SIPA1L1: variants seen among roughly 807,000 people sequenced by gnomAD.
SIPA1L1 encodes the protein signal induced proliferation associated 1 like 1.
In SIPA1L1, 26 loss-of-function variants were observed where a neutral mutation model predicts 162.7. The ratio of observed to expected loss-of-function variants is 0.16; its 90% CI spans 0.12 to 0.22. SIPA1L1 has a LOEUF of 0.22. Ranked by LOEUF, SIPA1L1 falls within the 10% of genes least tolerant of loss-of-function variation. The pLI is 1.00. For missense variants in SIPA1L1, 1,874 were observed against 2,241.0 expected (o/e 0.84, Z 3.31); for synonymous variants, 829 against 837.4 (o/e 0.99, Z 0.17).
In SIPA1L1 at chr14:71,590,034, A is replaced by T. The variant is rs200311018; in HGVS notation, c.1498+664A>T. On this transcript the variant is annotated intron_variant, in intron 5 of 23. Coordinates refer to ENST00000381232, the MANE Select transcript of SIPA1L1 (RefSeq NM_001386936.1). ...TGAGTGGGAGAGTAAAAAAAAAAAA[A>T]AAAAAAAAAAATATATATATATATA... Among the ~76,000 whole-genome samples, 489 of 72,452 alleles carry T rather than the reference A, an allele frequency of 6.7e-3. 2 individuals carry two copies. The highest frequency in any genetic ancestry group is 8.2e-3 in the East Asian group (18 of 2,182). The allele number at this position is 72,452 out of a possible 152,430, so 47.5% of individuals were successfully genotyped here. A position where few individuals can be genotyped will look rare whatever the true frequency, so the allele number is the denominator to read the frequency against.
chr14:71,425,851 T>C (rs34508067), intron 2 of SIPA1L1, among the ~76,000 whole-genome samples: 27,908 of 152,060 alleles, frequency 0.18, 3,034 homozygotes, highest in Middle Eastern at 0.36. Context: ...GGTTTTATTT[T>C]AGATTTATTT....
chr14:71,463,701 T>G (rs893948112), intron 2 of SIPA1L1, among the ~76,000 whole-genome samples: 6 of 152,182 alleles, frequency 3.9e-5, no homozygotes, highest in African/African-American at 1.4e-4. Context: ...GGAAATTGAT[T>G]GAGGGGCCAT....
chr14:71,372,078 A>G (rs2038940889), intron 2 of SIPA1L1, among the ~76,000 whole-genome samples: 2 of 152,320 alleles, frequency 1.3e-5, no homozygotes, highest in African/African-American at 4.8e-5. Flanking sequence ...CAGTTCAGAT[A>G]TTATGATACT....
intron 2 of SIPA1L1, among the ~76,000 whole-genome samples, chr14:71,469,514 T>A (rs1282099262): frequency 1.3e-5 from 2 of 152,118 alleles, no homozygotes; most frequent in African/African-American, 2.4e-5. Flanking sequence ...ATCAAAGCAG[T>A]ATAGAGCTGG....
At chr14:71,397,040 G>A (rs1425610814) in intron 2 of SIPA1L1, among the ~76,000 whole-genome samples, 2 of 152,128 alleles carry the variant, frequency 1.3e-5, no homozygotes, top group African/African-American at 2.4e-5. Flanking sequence ...TTCTAGGACC[G>A]GCCTCTGTGT....
At chr14:71,502,384 A>C (rs894888252) in intron 2 of SIPA1L1, among the ~76,000 whole-genome samples, 2 of 151,112 alleles carry the variant, frequency 1.3e-5, no homozygotes, top group Non-Finnish European at 2.9e-5. Flanking sequence ...GACTACAGGC[A>C]CATGCTACCA....
chr14:71,649,189 ATT>A (rs576399247), intron 7 of SIPA1L1, among the ~76,000 whole-genome samples: 34 of 131,092 alleles, frequency 2.6e-4, no homozygotes, highest in Admixed American at 2.3e-4. Context: ...TCAAAGTCCA[ATT>A]TTTTTTTTTT....
intron 2 of SIPA1L1, among the ~76,000 whole-genome samples, chr14:71,494,882 A>C (rs2049606434): frequency 6.6e-6 from 1 of 151,904 alleles, no homozygotes; most frequent in South Asian, 2.1e-4. Flanking sequence ...CTCGTGATCC[A>C]CCTGCCTTGG....
intron 3 of SIPA1L1, among the ~76,000 whole-genome samples, chr14:71,523,387 T>A (rs1178709758): frequency 6.6e-6 from 1 of 151,788 alleles, no homozygotes; most frequent in African/African-American, 2.4e-5. Flanking sequence ...AATCTCAGAG[T>A]TTAAAAAAAA....
rs1446168141 is a variant in SIPA1L1, at chr14:71,598,196, A to C, written c.1498+8826A>C. The C allele has an allele frequency of 1.1e-5, 11 of 985,210 alleles. No individual in the cohort carries two copies. In the African/African-American group the frequency reaches 1.9e-4, roughly 17 times the overall value. 61.0% of individuals were successfully genotyped at this position (985,210 alleles called of 1,614,324 possible). On this transcript the variant is annotated intron_variant, in intron 5 of 23. Coordinates refer to ENST00000381232, the MANE Select transcript of SIPA1L1 (RefSeq NM_001386936.1). ...TTACCAAGACCACCAATTGATCCCC[A>C]CAGGCACAAAACGCCATCACAGAGA...
intron 2 of SIPA1L1, among the ~76,000 whole-genome samples, chr14:71,337,725 G>A (rs2035241852): frequency 6.6e-6 from 1 of 152,132 alleles, no homozygotes; most frequent in South Asian, 2.1e-4. Flanking sequence ...AGGCTGAGAT[G>A]GATGGTTCAC....
rs776814606 is a variant in SIPA1L1, at chr14:71,671,438, A to G, written c.2575A>G (p.Ile859Val). 1.5e-5 allele frequency: 25 copies of G among 1,614,088 alleles called. No individual in the cohort carries two copies. The highest frequency in any genetic ancestry group is 1.8e-5 in the Non-Finnish European group (21 of 1,180,044). The change falls in exon 11 of 24, where the codon ATT (isoleucine) becomes GTT (valine). Residue 859 changes from isoleucine to valine, a missense_variant. By Grantham distance (29) the Ile-to-Val change is conservative. Coordinates refer to ENST00000381232, the MANE Select transcript of SIPA1L1 (RefSeq NM_001386936.1). ...PGAELSSMGA[I>V]VWAVRAEDYN... ...AGCCGAGCTCAGCAGCATGGGGGCC[A>G]TTGTATGGGCAGTCCGGGCTGAAGA...
At chr14:71,518,299 A>G (rs1225051351) in intron 3 of SIPA1L1, among the ~76,000 whole-genome samples, 5 of 151,786 alleles carry the variant, frequency 3.3e-5, no homozygotes, top group Admixed American at 1.3e-4. Context: ...AAAAAATTGT[A>G]TTTTATTTTT....
At chr14:71,496,775 G>A (rs1346153092) in intron 2 of SIPA1L1, among the ~76,000 whole-genome samples, 1 of 152,252 alleles carries the variant, frequency 6.6e-6, no homozygotes, top group East Asian at 1.9e-4. Context: ...TTGCATGTAG[G>A]TTTTTAATTA....
chr14:71,625,636 C>T (rs1387878077), intron 7 of SIPA1L1, among the ~76,000 whole-genome samples: 1 of 152,116 alleles, frequency 6.6e-6, no homozygotes. Context: ...ATAAACGTAA[C>T]TATTTTGGAG....
intron 2 of SIPA1L1, among the ~76,000 whole-genome samples, chr14:71,399,264 G>A (rs1334448471): frequency 6.6e-6 from 1 of 152,210 alleles, no homozygotes; most frequent in Non-Finnish European, 1.5e-5. Flanking sequence ...GGCAGTTGAT[G>A]ATGTTTGTAT....
chr14:71,566,940 T>C (rs2030741537), intron 4 of SIPA1L1, among the ~76,000 whole-genome samples: 1 of 152,168 alleles, frequency 6.6e-6, no homozygotes, highest in Non-Finnish European at 1.5e-5. Flanking sequence ...TTAATATCCA[T>C]AGTATATAAA....
intron 2 of SIPA1L1, among the ~76,000 whole-genome samples, chr14:71,471,228 T>A (rs1453604463): frequency 1.3e-5 from 2 of 152,162 alleles, no homozygotes; most frequent in African/African-American, 4.8e-5. Context: ...CCCAGGACTT[T>A]GGGAGGCTGA....
At chr14:71,397,804 A>T (rs2041330685) in intron 2 of SIPA1L1, among the ~76,000 whole-genome samples, 1 of 152,116 alleles carries the variant, frequency 6.6e-6, no homozygotes. Flanking sequence ...TCTTTTGTTC[A>T]GGCAGCCTTT....
Sources: gnomAD v4.1 joint callset for allele counts (sites outside exome capture counted in the v4.1 genomes callset) on GRCh38, gnomAD v4.1.1 for gene constraint, MANE v1.5 for transcripts, NCBI Gene and HGNC (gene_info 2026-07-23, HGNC 2026-07-21) for gene names.